Variants in DSC3 observed in about 807,000 individuals in gnomAD.
The protein encoded by DSC3 is desmocollin-3.
In DSC3, 97 loss-of-function variants were observed where a neutral mutation model predicts 89.5. The observed-to-expected ratio is 1.08, with a 90% CI of 0.92 to 1.28. The LOEUF (loss-of-function observed/expected upper bound fraction) is 1.28, where lower values mean the gene tolerates loss of function less well. DSC3 is among the 50% of genes most tolerant of loss of function. The probability of loss-of-function intolerance (pLI) is 0.00; values close to 1 mark genes in which losing one functional copy is unlikely to be tolerated. For synonymous variants in DSC3, 436 were observed against 384.1 expected (o/e 1.14, Z -1.58); for missense variants, 1,199 against 1,085.3 (o/e 1.10, Z -1.47).
At chr18:31,041,404 T>C (rs1402683673) in intron 1 of DSC3, among the ~76,000 whole-genome samples, 1 of 152,222 alleles carries the variant, frequency 6.6e-6, no homozygotes, top group African/African-American at 2.4e-5. Flanking sequence ...TCCTTCTCCA[T>C]AAACATATCG....
rs771232433 is a variant in DSC3, at chr18:31,025,929, A to C, written c.475-14T>G. 6.2e-7 allele frequency: 1 copy of C among 1,607,168 alleles called. No homozygotes were observed. Among genetic ancestry groups the C allele is most frequent in the African/African-American group, 1.3e-5 (1 of 74,754 alleles). ...ATCAGATTCAACCTAAAAGTAGAAAAAAAATATGCAAAAAAATTAAAACTA... is the reference window on the plus strand; with the variant it reads ...ATCAGATTCAACCTAAAAGTAGAAACAAAATATGCAAAAAAATTAAAACTA... On this transcript the variant is annotated splice_polypyrimidine_tract_variant and intron_variant, in intron 4 of 15. Coordinates refer to ENST00000360428, the MANE Select transcript of DSC3 (RefSeq NM_001941.5).
intron 1 of DSC3, among the ~76,000 whole-genome samples, chr18:31,040,178 C>T (rs147795309): frequency 4.2e-4 from 64 of 152,152 alleles, no homozygotes; most frequent in African/African-American, 1.5e-3. Context: ...TTATTGCAAA[C>T]GTTTCAACTA....
At chr18:31,028,488 G>A (rs1985675551) in intron 4 of DSC3, among the ~76,000 whole-genome samples, 1 of 152,002 alleles carries the variant, frequency 6.6e-6, no homozygotes, top group Non-Finnish European at 1.5e-5. Context: ...CAGTGTTCAA[G>A]TTATAATATT....
chr18:31,006,783 T>C, intron 12 of DSC3, 124 bp downstream of exon 12: 1 of 774,056 alleles, frequency 1.3e-6, no homozygotes, highest in South Asian at 1.7e-5. Flanking sequence ...GGTTAGTTTA[T>C]CCTTCTAAAA....
intron 5 of DSC3, among the ~76,000 whole-genome samples, chr18:31,025,526 T>G (rs166724): frequency 6.6e-6 from 1 of 151,896 alleles, no homozygotes; most frequent in Non-Finnish European, 1.5e-5. Context: ...ATCGAAATAC[T>G]TTGAAATTTA....
At chr18:31,033,532 T>C (rs1046453838) in intron 1 of DSC3, among the ~76,000 whole-genome samples, 1 of 152,118 alleles carries the variant, frequency 6.6e-6, no homozygotes, top group Non-Finnish European at 1.5e-5. Context: ...TTGGGATAAT[T>C]TGATATCTTC....
intron 15 of DSC3, among the ~76,000 whole-genome samples, chr18:30,995,680 T>C (rs559966450): frequency 1.6e-4 from 24 of 152,256 alleles, no homozygotes; most frequent in African/African-American, 5.1e-4. Flanking sequence ...AAAAGCTTCA[T>C]AGAGGATTTT....
At chr18:30,997,976 G>T (rs558502688) in intron 14 of DSC3, among the ~76,000 whole-genome samples, 5 of 152,148 alleles carry the variant, frequency 3.3e-5, no homozygotes, top group African/African-American at 1.2e-4. Context: ...AGTTAGAAAG[G>T]TTATAAAAGG....
intron 14 of DSC3, among the ~76,000 whole-genome samples, chr18:30,997,572 A>C (rs764730403): frequency 2.4e-4 from 37 of 152,318 alleles, no homozygotes; most frequent in Admixed American, 9.8e-4. Flanking sequence ...AGTTTCCAAC[A>C]TATCAGCTTT....
At chr18:31,032,866 T>A (rs116467185) in intron 1 of DSC3, among the ~76,000 whole-genome samples, 1,822 of 152,128 alleles carry the variant, frequency 0.012, 35 homozygotes, top group African/African-American at 0.042. Flanking sequence ...ATCAAAGGCA[T>A]CCAAATTGGA....
rs369208762 is a variant in DSC3 at position 31,006,924 on chromosome 18, C to G, written c.1871G>C (p.Ser624Thr). 17 of 1,612,700 alleles carry G rather than the reference C, an allele frequency of 1.1e-5. No homozygotes were observed. In the African/African-American group the frequency reaches 1.7e-4, roughly 16 times the overall value. Residue 624 changes from serine (S) to threonine (T), a missense_variant, in exon 12 of 16, where the codon AGC becomes ACC. Transcript: ENST00000360428. ...TTAAATACCATTAACTTTGGTGAGGCTCCACAGTCTACTGATTTCTGGAGA... is the reference window on the plus strand; with the variant it reads ...TTAAATACCATTAACTTTGGTGAGGGTCCACAGTCTACTGATTTCTGGAGA... ...NTSPEISRLWSLTKVNDTAAR... is the reference protein window; with the variant it reads ...NTSPEISRLWTLTKVNDTAAR...
chr18:30,996,818 G>C lies in DSC3; in HGVS notation c.2466C>G (p.His822Gln). The change falls in exon 15 of 16, where the codon CAC (histidine) becomes CAG (glutamine). Residue 822 changes from histidine to glutamine, a missense_variant. Physicochemically the swap from His to Gln is conservative, Grantham distance 24. Transcript: ENST00000360428. ...DNCRYTYSEW[H>Q]SFTQPRLGEK... ...CACCGAGACGGGGTTGAGTAAAACT[G>C]TGCCACTCCGAGTAAGTGTATCTGC... 5.0e-6 allele frequency: 8 copies of C among 1,613,594 alleles called. No individual in the cohort carries two copies. Among genetic ancestry groups the C allele is most frequent in the Non-Finnish European group, 6.8e-6 (8 of 1,179,932 alleles).
At chr18:30,994,417 AC>A in intron 15 of DSC3, 45 bp from the exon 16 acceptor site, 1 of 1,594,726 alleles carries the variant, frequency 6.3e-7, no homozygotes, top group Non-Finnish European at 8.6e-7. Flanking sequence ...GTTTTAAACA[AC>A]TTAAATATAT....
Position 30,993,270 on chromosome 18 carries a change from C to G in DSC3, c.*905G>C, listed in dbSNP as rs985762091. Reference sequence around the variant, plus strand: ...GAACCCCAGCTGCAGCGAGTATTCCCCAGTTTGCTACTAACTTGTGGATGC... The same window carrying G: ...GAACCCCAGCTGCAGCGAGTATTCCGCAGTTTGCTACTAACTTGTGGATGC... On this transcript the variant is annotated 3_prime_UTR_variant, in exon 16 of 16. Coordinates refer to ENST00000360428, the MANE Select transcript of DSC3 (RefSeq NM_001941.5). The G allele has an allele frequency of 6.6e-6, 1 of 152,176 alleles. No homozygotes were observed. The highest frequency in any genetic ancestry group is 1.5e-5 in the Non-Finnish European group (1 of 68,030). 9.4% of individuals were successfully genotyped at this position (152,176 alleles called of 1,614,324 possible).
chr18:31,003,332 T>A (rs1190443258), intron 13 of DSC3, among the ~76,000 whole-genome samples: 1 of 152,198 alleles, frequency 6.6e-6, no homozygotes, highest in African/African-American at 2.4e-5. Flanking sequence ...GTTTGTTTGT[T>A]TGTCTTTCCC....
At chr18:31,015,605 T>C (rs981034447) in intron 9 of DSC3, among the ~76,000 whole-genome samples, 3 of 152,146 alleles carry the variant, frequency 2.0e-5, no homozygotes, top group Admixed American at 6.6e-5. Flanking sequence ...AGACAAAACC[T>C]CTGATATTAA....
chr18:31,007,401 C>T (rs1052763083), intron 11 of DSC3, among the ~76,000 whole-genome samples: 1 of 152,086 alleles, frequency 6.6e-6, no homozygotes, highest in African/African-American at 2.4e-5. Flanking sequence ...ATTTCAATCT[C>T]TATTTTTGGG....
At chr18:31,013,705 C>T (rs1331089281) in intron 9 of DSC3, among the ~76,000 whole-genome samples, 2 of 151,994 alleles carry the variant, frequency 1.3e-5, no homozygotes, top group Admixed American at 6.6e-5. Context: ...ACTGAAACAC[C>T]ATTTTTTTGC....
intron 9 of DSC3, among the ~76,000 whole-genome samples, chr18:31,009,886 G>A (rs559840138): frequency 4.6e-5 from 7 of 152,154 alleles, no homozygotes; most frequent in Non-Finnish European, 7.3e-5. Flanking sequence ...CTCTGCTATC[G>A]TGTGCTGCTT....
Sources: allele counts gnomAD v4.1 joint callset (sites outside exome capture counted in the v4.1 genomes callset), GRCh38; gene constraint gnomAD v4.1.1; transcripts MANE v1.5; gene names NCBI Gene and HGNC (gene_info 2026-07-23, HGNC 2026-07-21).